The following STARD13 variants were observed in gnomAD, a reference collection of about 807,000 sequenced individuals.
STARD13 encodes StAR related lipid transfer domain containing 13, also known as stAR-related lipid transfer protein 13.
A neutral mutation model predicts 106.4 loss-of-function variants in STARD13; 62 were observed. The ratio of observed to expected loss-of-function variants is 0.58; its 90% CI spans 0.48 to 0.72. The LOEUF is 0.72. Ranked by LOEUF, STARD13 falls within the 30% of genes least tolerant of loss-of-function variation. STARD13 has a pLI of 0.00. For synonymous variants in STARD13, 565 were observed against 553.0 expected, an observed-to-expected ratio of 1.02 and a Z score of -0.31; for missense variants, 1,387 against 1,424.0, an observed-to-expected ratio of 0.97 and a Z score of 0.42.
the STARD13 span, among the ~76,000 whole-genome samples, chr13:33,654,087 A>G: frequency 1.7e-3 from 255 of 152,350 alleles, no homozygotes; most frequent in Middle Eastern, 6.8e-3. Flanking sequence ...GTGAGAATGT[A>G]AAATGGTGCT....
At chr13:33,624,250 C>G in the STARD13 span, among the ~76,000 whole-genome samples, 2 of 152,166 alleles carry the variant, frequency 1.3e-5, no homozygotes, top group African/African-American at 4.8e-5. Flanking sequence ...AACAGATAAA[C>G]AAATTGTGGT....
the STARD13 span, among the ~76,000 whole-genome samples, chr13:33,653,864 C>T: frequency 6.6e-6 from 1 of 152,072 alleles, no homozygotes; most frequent in East Asian, 1.9e-4. Flanking sequence ...AAAAAATGGG[C>T]AAATGATTTA....
the STARD13 span, among the ~76,000 whole-genome samples, chr13:33,620,125 C>A: frequency 3.9e-5 from 6 of 152,130 alleles, no homozygotes; most frequent in South Asian, 1.2e-3. Flanking sequence ...GATTTTAACA[C>A]CCCTCTTTCT....
At chr13:33,242,065 G>T (rs1443873259) in intron 1 of STARD13, among the ~76,000 whole-genome samples, 1 of 150,512 alleles carries the variant, frequency 6.6e-6, no homozygotes, top group Non-Finnish European at 1.5e-5. Flanking sequence ...GAGCGCCTCT[G>T]CCTGGCCGCA....
chr13:33,322,855 C>T (rs1048254343), intron 1 of STARD13, among the ~76,000 whole-genome samples: 5 of 152,156 alleles, frequency 3.3e-5, no homozygotes, highest in African/African-American at 9.6e-5. Context: ...AGATACACAA[C>T]CTAAACAATG....
At chr13:33,293,881 G>A (rs1989442) in intron 1 of STARD13, among the ~76,000 whole-genome samples, 51,472 of 152,052 alleles carry the variant, frequency 0.34, 9,296 homozygotes, top group South Asian at 0.49. Context: ...TCAGCTTGCA[G>A]ACAGCCAATT....
chr13:33,152,248 A>G (rs1881378628), intron 3 of STARD13, among the ~76,000 whole-genome samples: 1 of 152,206 alleles, frequency 6.6e-6, no homozygotes. Flanking sequence ...GGAGTCGACA[A>G]CAACTAGCTG....
At chr13:33,243,439 G>A (rs1889646691) in intron 1 of STARD13, among the ~76,000 whole-genome samples, 1 of 152,176 alleles carries the variant, frequency 6.6e-6, no homozygotes, top group Admixed American at 6.5e-5. Flanking sequence ...GTACCTGGGT[G>A]TGGGAAGGGC....
chr13:33,253,971 T>C (rs1386330141), intron 1 of STARD13, among the ~76,000 whole-genome samples: 1 of 152,194 alleles, frequency 6.6e-6, no homozygotes, highest in Admixed American at 6.5e-5. Flanking sequence ...GGTGATCAAA[T>C]TGTAAAATGT....
chr13:33,407,949 T>C, the STARD13 span, among the ~76,000 whole-genome samples: 2 of 152,160 alleles, frequency 1.3e-5, no homozygotes, highest in Non-Finnish European at 2.9e-5. Flanking sequence ...GTTGATTGAG[T>C]AATTTGCATT....
intron 1 of STARD13, among the ~76,000 whole-genome samples, chr13:33,219,645 A>G (rs1888238614): frequency 6.6e-6 from 1 of 151,388 alleles, no homozygotes; most frequent in African/African-American, 2.4e-5. Flanking sequence ...CAGCATGGAT[A>G]ACATAGCAAG....
intron 1 of STARD13, among the ~76,000 whole-genome samples, chr13:33,194,142 C>T: frequency 6.6e-6 from 1 of 152,088 alleles, no homozygotes; most frequent in Non-Finnish European, 1.5e-5. Flanking sequence ...GCTCTTCTTG[C>T]CTCAATCTGG....
chr13:33,581,722 A>T, the STARD13 span, among the ~76,000 whole-genome samples: 8 of 152,220 alleles, frequency 5.3e-5, no homozygotes, highest in Non-Finnish European at 8.8e-5. Context: ...TATCGAAAAT[A>T]AATGATTTGA....
chr13:33,641,122 G>A, the STARD13 span, among the ~76,000 whole-genome samples: 8 of 152,256 alleles, frequency 5.3e-5, no homozygotes, highest in African/African-American at 2.4e-5. Flanking sequence ...TGTGTGTCTA[G>A]ATCCTGCTTG....
At chr13:33,316,873 G>A (rs901201986) in intron 1 of STARD13, among the ~76,000 whole-genome samples, 1 of 152,146 alleles carries the variant, frequency 6.6e-6, no homozygotes, top group Admixed American at 6.5e-5. Context: ...GGGTGCCAGT[G>A]ACATCTGTCT....
chr13:33,357,993 C>G, the STARD13 span, among the ~76,000 whole-genome samples: 1 of 151,808 alleles, frequency 6.6e-6, no homozygotes, highest in Admixed American at 6.6e-5. Flanking sequence ...GAGGCACGAG[C>G]GGGAACCGGG....
chr13:33,181,574 T>C (rs977021632), intron 1 of STARD13, among the ~76,000 whole-genome samples: 1 of 152,240 alleles, frequency 6.6e-6, no homozygotes, highest in Non-Finnish European at 1.5e-5. Flanking sequence ...GATATTCAGG[T>C]TCTTCCAAAC....
At chr13:33,652,058 C>A in the STARD13 span, among the ~76,000 whole-genome samples, 2 of 152,182 alleles carry the variant, frequency 1.3e-5, no homozygotes, top group Non-Finnish European at 1.5e-5. Flanking sequence ...TGGTCTCTGC[C>A]TGAATTCCTG....
At chr13:33,207,061 A>T (rs1218016403) in intron 1 of STARD13, among the ~76,000 whole-genome samples, 2 of 152,326 alleles carry the variant, frequency 1.3e-5, no homozygotes, top group East Asian at 3.9e-4. Context: ...AACAGAGAGA[A>T]TATTAAATAA....
Sources: allele counts gnomAD v4.1 joint callset (sites outside exome capture counted in the v4.1 genomes callset), GRCh38; gene constraint gnomAD v4.1.1; transcripts MANE v1.5; gene names NCBI Gene and HGNC (gene_info 2026-07-23, HGNC 2026-07-21).